The following TRIM24 variants were observed in gnomAD, a reference collection of about 807,000 sequenced individuals.
TRIM24 encodes transcription intermediary factor 1-alpha.
In TRIM24, 29 loss-of-function variants were observed where a neutral mutation model predicts 123.9. That is an observed-to-expected ratio of 0.23 (90% CI 0.17 to 0.32). The LOEUF (loss-of-function observed/expected upper bound fraction) is 0.32, where lower values mean the gene tolerates loss of function less well. Among genes scored for constraint, TRIM24 ranks in the 10% least tolerant of loss-of-function variants. The probability of loss-of-function intolerance (pLI) is 1.00; values close to 1 mark genes in which losing one functional copy is unlikely to be tolerated. For missense variants in TRIM24, 932 were observed against 1,295.3 expected (o/e 0.72, Z 4.31); for synonymous variants, 456 against 461.1 (o/e 0.99, Z 0.14).
At chr7:138,501,887 C>CAA (rs561303066) in intron 1 of TRIM24, among the ~76,000 whole-genome samples, 11 of 136,516 alleles carry the variant, frequency 8.1e-5, no homozygotes, top group African/African-American at 1.1e-4. Flanking sequence ...GACTCCGTCT[C>CAA]AAAAAAAAAA....
intron 4 of TRIM24, among the ~76,000 whole-genome samples, chr7:138,519,533 T>C (rs565215769): frequency 6.6e-6 from 1 of 152,284 alleles, no homozygotes; most frequent in African/African-American, 2.4e-5. Context: ...CATTATATGG[T>C]GGTCAGCATC....
chr7:138,497,393 CTTTTTTT>C (rs869232002), intron 1 of TRIM24, among the ~76,000 whole-genome samples: 11,162 of 88,238 alleles, frequency 0.13, 536 homozygotes, highest in Non-Finnish European at 0.17. Context: ...ATTACAATTT[CTTTTTTT>C]TTTTTTTTTT....
intron 1 of TRIM24, among the ~76,000 whole-genome samples, chr7:138,494,657 A>G (rs765582157): frequency 2.6e-5 from 4 of 152,132 alleles, no homozygotes; most frequent in Non-Finnish European, 2.9e-5. Flanking sequence ...AACTATACCA[A>G]TATAGCTATT....
intron 1 of TRIM24, among the ~76,000 whole-genome samples, chr7:138,480,141 T>A (rs577337990): frequency 5.1e-4 from 78 of 152,300 alleles, no homozygotes; most frequent in African/African-American, 1.9e-3. Context: ...TTTTAAATTT[T>A]TTTTTGTAGT....
At chr7:138,537,379 GT>G (rs71177994) in intron 6 of TRIM24, among the ~76,000 whole-genome samples, 331 of 56,572 alleles carry the variant, frequency 5.9e-3, no homozygotes, top group African/African-American at 0.013. Context: ...ACCCCTGTTT[GT>G]TTTTTTTTTT....
At chr7:138,572,095 T>C (rs1345389181) in intron 11 of TRIM24, among the ~76,000 whole-genome samples, 3 of 152,230 alleles carry the variant, frequency 2.0e-5, no homozygotes, top group Non-Finnish European at 2.9e-5. Context: ...ATTTTCATTA[T>C]TTGTTTTTCA....
chr7:138,493,233 G>GGGCT (rs1365497041), intron 1 of TRIM24, among the ~76,000 whole-genome samples: 1 of 150,602 alleles, frequency 6.6e-6, no homozygotes, highest in Non-Finnish European at 1.5e-5. Flanking sequence ...TTCACTGTCT[G>GGGCT]GGCTGTCCCA....
intron 8 of TRIM24, among the ~76,000 whole-genome samples, chr7:138,551,738 T>C (rs1797217087): frequency 6.6e-6 from 1 of 152,220 alleles, no homozygotes; most frequent in Admixed American, 6.5e-5. Context: ...TGGGTTAACT[T>C]GACTTGTCAT....
intron 2 of TRIM24, among the ~76,000 whole-genome samples, chr7:138,505,787 C>A (rs1157566953): frequency 6.6e-6 from 1 of 152,176 alleles, no homozygotes; most frequent in Non-Finnish European, 1.5e-5. Flanking sequence ...ATTTCTATAA[C>A]CCACATGTAG....
At chr7:138,550,941 C>A in intron 7 of TRIM24, 122 bp from the exon 8 acceptor site, 1 of 739,632 alleles carries the variant, frequency 1.4e-6, no homozygotes, top group Non-Finnish European at 2.1e-6. Flanking sequence ...GTATGTCCAA[C>A]AAACCTATAT....
In TRIM24 at chr7:138,583,844, T is replaced by A. The variant is rs887477371; in HGVS notation, c.2794-6T>A. On this transcript the variant is annotated splice_region_variant and splice_polypyrimidine_tract_variant and intron_variant, in intron 17 of 18. Coordinates refer to ENST00000343526, the MANE Select transcript of TRIM24 (RefSeq NM_015905.3). The stretch of plus-strand genomic sequence containing the variant: ...TTTGTATTATAACATCTCATTTTTT[T>A]AATAGGTGCCTGATTATTACAAAAT... The A allele has an allele frequency of 1.9e-6, 3 of 1,540,608 alleles. No homozygotes were observed. The highest frequency in any genetic ancestry group is 2.6e-6 in the Non-Finnish European group (3 of 1,136,342).
At chr7:138,499,205 T>C (rs1563034311) in intron 1 of TRIM24, among the ~76,000 whole-genome samples, 1 of 152,224 alleles carries the variant, frequency 6.6e-6, no homozygotes, top group Non-Finnish European at 1.5e-5. Context: ...ATGTTCTCAC[T>C]TTATCTCTTG....
intron 7 of TRIM24, among the ~76,000 whole-genome samples, chr7:138,543,215 G>A (rs1417488429): frequency 6.6e-6 from 1 of 152,150 alleles, no homozygotes; most frequent in South Asian, 2.1e-4. Flanking sequence ...GTTGAAATAG[G>A]AATGAAAGAG....
At chr7:138,580,992 T>G (rs939923855) in intron 16 of TRIM24, among the ~76,000 whole-genome samples, 1 of 152,346 alleles carries the variant, frequency 6.6e-6, no homozygotes, top group South Asian at 2.1e-4. Flanking sequence ...TTTCCTACTA[T>G]AGATAAGATT....
In TRIM24 at chr7:138,585,509, G is replaced by A. The variant is rs1190907502; in HGVS notation, c.*558G>A. ...GGCCAAACGGTGCAACAGAAGGGTA[G>A]GTTAGATGCTATTAAGAAGGCACTT... On this transcript the variant is annotated 3_prime_UTR_variant, in exon 19 of 19. Coordinates refer to ENST00000343526, the MANE Select transcript of TRIM24 (RefSeq NM_015905.3). 6 of 327,252 alleles carry A rather than the reference G, an allele frequency of 1.8e-5. No individual in the cohort carries two copies. The highest frequency in any genetic ancestry group is 2.9e-5 in the Non-Finnish European group (5 of 173,348). The allele number at this position is 327,252 out of a possible 1,614,324, so 20.3% of individuals were successfully genotyped here. A position where few individuals can be genotyped will look rare whatever the true frequency, so the allele number is the denominator to read the frequency against.
intron 1 of TRIM24, among the ~76,000 whole-genome samples, chr7:138,462,993 C>G (rs1255874075): frequency 6.7e-6 from 1 of 150,182 alleles, no homozygotes; most frequent in Non-Finnish European, 1.5e-5. Flanking sequence ...TCTCAGCCTC[C>G]CGAGTAGCTG....
At chr7:138,531,255 A>ATGTTTACATG (rs1796733298) in intron 6 of TRIM24, among the ~76,000 whole-genome samples, 2 of 151,620 alleles carry the variant, frequency 1.3e-5, no homozygotes, top group Non-Finnish European at 2.9e-5. Flanking sequence ...CATGTTACAT[A>ATGTTTACATG]TGTTACATAT....
chr7:138,535,657 T>G (rs1796853753), intron 6 of TRIM24, among the ~76,000 whole-genome samples: 1 of 152,228 alleles, frequency 6.6e-6, no homozygotes, highest in Admixed American at 6.5e-5. Context: ...CATTTTTTCC[T>G]TCATTTCAAC....
intron 14 of TRIM24, 118 bp downstream of exon 14, chr7:138,577,706 T>C: frequency 1.2e-6 from 1 of 849,982 alleles, no homozygotes; most frequent in Non-Finnish European, 1.6e-6. Context: ...TAAAGACAAT[T>C]TGAGGGAATC....
Sources: allele counts gnomAD v4.1 joint callset (sites outside exome capture counted in the v4.1 genomes callset), GRCh38; gene constraint gnomAD v4.1.1; transcripts MANE v1.5; gene names NCBI Gene and HGNC (gene_info 2026-07-23, HGNC 2026-07-21).